The following TANC2 variants were observed in gnomAD, a reference collection of about 807,000 sequenced individuals.
TANC2 encodes tetratricopeptide repeat, ankyrin repeat and coiled-coil containing 2.
TANC2 carries 26 observed loss-of-function variants against 210.5 expected under a neutral mutation model. That is an observed-to-expected ratio of 0.12 (90% CI 0.09 to 0.17). The LOEUF is 0.17. TANC2 is among the 10% of genes least tolerant of loss of function. TANC2 has a pLI of 1.00. For synonymous variants in TANC2, 931 were observed against 967.1 expected (o/e 0.96, Z 0.69); for missense variants, 2,129 against 2,608.9 (o/e 0.82, Z 4.01).
chr17:63,181,324 C>T (rs1222430351), intron 5 of TANC2, among the ~76,000 whole-genome samples: 1 of 152,170 alleles, frequency 6.6e-6, no homozygotes, highest in Admixed American at 6.5e-5. Context: ...AACTAGCTCC[C>T]TGTAGGTTCA....
intron 1 of TANC2, among the ~76,000 whole-genome samples, chr17:62,983,266 G>A (rs2032397342): frequency 6.6e-6 from 1 of 151,900 alleles, no homozygotes; most frequent in African/African-American, 2.4e-5. Flanking sequence ...TGTGTATAGA[G>A]TACTACTGAT....
In TANC2 at chr17:63,038,241, A is replaced by T. The variant is rs1485235133; in HGVS notation, c.67+28615A>T. On this transcript the variant is annotated intron_variant, in intron 2 of 27. Coordinates refer to ENST00000689528, the Ensembl canonical transcript of TANC2. ...AGTTTTCTTCAAGTGCTAATTTTTT[A>T]AAAAAATACTTTTTCTCTGATCAAG... is the stretch of plus-strand genomic sequence containing the variant. 3.9e-5 allele frequency among the ~76,000 whole-genome samples: 6 copies of T among 152,262 alleles called. No homozygotes were observed. In the East Asian group the frequency reaches 7.7e-4, roughly 20 times the overall value.
At chr17:63,059,763 A>T (rs2144514412) in intron 2 of TANC2, among the ~76,000 whole-genome samples, 1 of 152,252 alleles carries the variant, frequency 6.6e-6, no homozygotes, top group South Asian at 2.1e-4. Context: ...CCTTTTTGAC[A>T]TGACCATAAT....
At chr17:63,198,491 G>T (rs973473727) in intron 6 of TANC2, among the ~76,000 whole-genome samples, 2 of 151,982 alleles carry the variant, frequency 1.3e-5, no homozygotes, top group African/African-American at 2.4e-5. Context: ...CCACCATGCT[G>T]GGCCTAAAAC....
intron 5 of TANC2, among the ~76,000 whole-genome samples, chr17:63,176,525 G>T (rs1192883454): frequency 6.6e-6 from 1 of 152,170 alleles, no homozygotes; most frequent in African/African-American, 2.4e-5. Flanking sequence ...CAGAAAAAAG[G>T]CCGGTTGCGG....
chr17:63,225,717 C>T (rs1299400367), intron 7 of TANC2, among the ~76,000 whole-genome samples: 1 of 152,160 alleles, frequency 6.6e-6, no homozygotes, highest in African/African-American at 2.4e-5. Flanking sequence ...CAAGTCCATT[C>T]ATTATTTTTC....
chr17:63,092,224 T>C (rs2037224559), intron 3 of TANC2, among the ~76,000 whole-genome samples: 1 of 152,096 alleles, frequency 6.6e-6, no homozygotes, highest in African/African-American at 2.4e-5. Flanking sequence ...TATATCTTCA[T>C]TTCTTTTGGG....
intron 21 of TANC2, among the ~76,000 whole-genome samples, chr17:63,406,788 T>C (rs2048521787): frequency 6.6e-6 from 1 of 152,230 alleles, no homozygotes; most frequent in South Asian, 2.1e-4. Flanking sequence ...TTAAAGGAGA[T>C]GATGATCACA....
chr17:63,380,703 A>G (rs1009352048), intron 15 of TANC2, among the ~76,000 whole-genome samples: 4 of 152,192 alleles, frequency 2.6e-5, no homozygotes, highest in African/African-American at 9.6e-5. Flanking sequence ...CCCCCACAGG[A>G]TATTGTTAAA....
chr17:63,416,341 C>G (rs190186034), intron 26 of TANC2, among the ~76,000 whole-genome samples: 139 of 152,326 alleles, frequency 9.1e-4, no homozygotes, highest in African/African-American at 3.3e-3. Context: ...GCCAAGAACC[C>G]TCTCTCAGGT....
At chr17:62,983,481 T>A (rs912440038) in intron 1 of TANC2, among the ~76,000 whole-genome samples, 3 of 152,176 alleles carry the variant, frequency 2.0e-5, no homozygotes, top group African/African-American at 7.2e-5. Flanking sequence ...GCTTGATTGC[T>A]CTGGCTAGGA....
chr17:63,300,227 G>T lies in TANC2; in HGVS notation c.1160-14161G>T, dbSNP rs557672016. 3.9e-5 allele frequency among the ~76,000 whole-genome samples: 6 copies of T among 152,220 alleles called. No homozygotes were observed. In the South Asian group the frequency reaches 1.2e-3, roughly 32 times the overall value. ...GAAGTCAGGTAGCATGATGCCTCCA[G>T]CTTTGTTCTTTTTGCTTAGGATTGT... is the stretch of plus-strand genomic sequence containing the variant. On this transcript the variant is annotated intron_variant, in intron 9 of 27. Coordinates refer to ENST00000689528, the Ensembl canonical transcript of TANC2.
exon 17 of TANC2, chr17:63,389,436 C>T (rs1045592537): frequency 6.8e-6 from 11 of 1,613,828 alleles, no homozygotes; most frequent in South Asian, 3.3e-5. Flanking sequence ...TGCTGGAGTT[C>T]GGGGCCAACG....
chr17:63,304,041 T>C (rs1236650513), intron 9 of TANC2, among the ~76,000 whole-genome samples: 1 of 152,078 alleles, frequency 6.6e-6, no homozygotes, highest in African/African-American at 2.4e-5. Flanking sequence ...CATGCTACTT[T>C]AGCTCAGCGG....
At chr17:63,056,989 GTT>G (rs549114783) in intron 2 of TANC2, among the ~76,000 whole-genome samples, 2 of 143,816 alleles carry the variant, frequency 1.4e-5, no homozygotes, top group Admixed American at 6.9e-5. Flanking sequence ...GGATTTTTTT[GTT>G]TTTTTTTTTA....
At chr17:63,217,843 A>C (rs1422786189) in intron 7 of TANC2, among the ~76,000 whole-genome samples, 1 of 152,200 alleles carries the variant, frequency 6.6e-6, no homozygotes, top group East Asian at 1.9e-4. Flanking sequence ...TGAATCTAAT[A>C]ATATATAAAA....
At chr17:63,303,106 G>A (rs1006326464) in intron 9 of TANC2, among the ~76,000 whole-genome samples, 1 of 152,152 alleles carries the variant, frequency 6.6e-6, no homozygotes. Context: ...TACATTTAAG[G>A]TTAATACTGT....
At chr17:63,259,884 C>A (rs191381989) in intron 8 of TANC2, among the ~76,000 whole-genome samples, 14 of 152,124 alleles carry the variant, frequency 9.2e-5, no homozygotes, top group Admixed American at 8.5e-4. Context: ...TTTTTATTTT[C>A]TTATGAAAAA....
At position 63,420,199 on chromosome 17, in the gene TANC2, C is replaced by T. The variant is rs769422542; in HGVS notation, c.4469C>T (p.Ser1490Phe). 6.2e-7 allele frequency: 1 copy of T among 1,600,362 alleles called. No individual in the cohort carries two copies. Among genetic ancestry groups the T allele is most frequent in the East Asian group, 2.3e-5 (1 of 44,400 alleles). ...GAGCCACAGCATGAAGACATATACT[C>T]TGTACAGGATATATTCGAGGAGGAG... The change falls in exon 28 of 28, where the codon TCT (serine) becomes TTT (phenylalanine). Residue 1490 changes from serine (S) to phenylalanine (F), a missense_variant. By Grantham distance (155) the Ser-to-Phe change is radical. Transcript: ENST00000689528. The surrounding 1 kb of genome is among the most constrained non-coding windows in gnomAD (Gnocchi z 4.2).
Sources: allele counts gnomAD v4.1 joint callset (sites outside exome capture counted in the v4.1 genomes callset), GRCh38; gene constraint gnomAD v4.1.1; non-coding constraint Gnocchi (gnomAD v3.1); transcripts MANE v1.5; gene names NCBI Gene and HGNC (gene_info 2026-07-23, HGNC 2026-07-21).